AFF1: variants seen among roughly 807,000 people sequenced by gnomAD.
AFF1 encodes the protein ALF transcription elongation factor 1, also known as AF4/FMR2 family member 1.
Under a neutral mutation model 121.7 loss-of-function variants are expected in AFF1, and 48 were observed. The ratio of observed to expected loss-of-function variants is 0.39; its 90% CI spans 0.31 to 0.50. AFF1 has a LOEUF of 0.50. Among genes scored for constraint, AFF1 ranks in the 20% least tolerant of loss-of-function variants. AFF1 has a pLI of 0.76. For missense variants in AFF1, 1,523 were observed against 1,511.7 expected (o/e 1.01, Z -0.12); for synonymous variants, 613 against 563.0 (o/e 1.09, Z -1.26).
Position 87,111,793 on chromosome 4 carries a change from AC to A in AFF1, c.1534-2573del, listed in dbSNP as rs1726568197. On this transcript the variant is annotated intron_variant, in intron 11 of 20. Transcript: ENST00000395146. ...CTACCTGTTCCCCTTGTCTGGCACA[AC>A]TACTCAATTTTACCCTCAAATTGGG... is the stretch of plus-strand genomic sequence containing the variant. Among the ~76,000 whole-genome samples, 6 of 152,338 alleles carry A rather than the reference AC, an allele frequency of 3.9e-5. No individual in the cohort carries two copies. The South Asian group carries it at 1.2e-3, about 32-fold the overall frequency.
At chr4:87,022,206 CAAAAAAA>C (rs11296179) in intron 2 of AFF1, among the ~76,000 whole-genome samples, 2 of 76,064 alleles carry the variant, frequency 2.6e-5, no homozygotes, top group African/African-American at 1.1e-4. Context: ...GACTCCATCT[CAAAAAAA>C]AAAAAAAAAA....
chr4:87,108,806 A>G (rs954185942), intron 11 of AFF1, among the ~76,000 whole-genome samples: 1 of 152,244 alleles, frequency 6.6e-6, no homozygotes, highest in Non-Finnish European at 1.5e-5. Context: ...ACTAAAAGCC[A>G]TGCATTAAAT....
chr4:87,130,016 C>T (rs1728668223), intron 16 of AFF1, among the ~76,000 whole-genome samples: 1 of 151,804 alleles, frequency 6.6e-6, no homozygotes, highest in Non-Finnish European at 1.5e-5. Context: ...GCTCTGCCAC[C>T]CAGGCTGGAG....
chr4:87,089,964 C>T lies in AFF1; in HGVS notation c.1105-20C>T. ...CTATTTATAATTTACTTTTTCTTCC[C>T]TTTCCAAATATCTTTCCAGGAAATG... is the stretch of plus-strand genomic sequence containing the variant. On this transcript the variant is annotated intron_variant, in intron 5 of 20. Transcript: ENST00000395146. 6.3e-7 allele frequency: 1 copy of T among 1,596,980 alleles called. No individual in the cohort carries two copies. Among genetic ancestry groups the T allele is most frequent in the Non-Finnish European group, 8.6e-7 (1 of 1,165,666 alleles).
chr4:86,970,444 T>G (rs1300057569), intron 2 of AFF1, among the ~76,000 whole-genome samples: 1 of 152,228 alleles, frequency 6.6e-6, no homozygotes, highest in Non-Finnish European at 1.5e-5. Context: ...TGTTGCTCCT[T>G]TACTTAAGGG....
At chr4:87,011,812 A>T (rs1726793099) in intron 2 of AFF1, among the ~76,000 whole-genome samples, 1 of 152,218 alleles carries the variant, frequency 6.6e-6, no homozygotes, top group African/African-American at 2.4e-5. Context: ...TGCTTCCATG[A>T]TAAAGACTGA....
chr4:87,008,059 ACT>A (rs67195504), intron 2 of AFF1, among the ~76,000 whole-genome samples: 20,460 of 152,106 alleles, frequency 0.13, 1,845 homozygotes, highest in Middle Eastern at 0.23. Flanking sequence ...ATGGTTTGTT[ACT>A]GTTTTTGTAA....
intron 2 of AFF1, among the ~76,000 whole-genome samples, chr4:87,008,126 C>T (rs999617776): frequency 1.3e-4 from 20 of 152,184 alleles, no homozygotes; most frequent in African/African-American, 4.8e-4. Context: ...GAGATCCAAA[C>T]TGTTCTGTGC....
At chr4:87,090,141 GATTGA>G in intron 6 of AFF1, 71 bp downstream of exon 6, 1 of 1,224,200 alleles carries the variant, frequency 8.2e-7, no homozygotes, top group Non-Finnish European at 1.2e-6. Context: ...CTGTGAGGCA[GATTGA>G]TAAAGTATTA....
rs114638081 is a variant in AFF1 at position 87,108,063 on chromosome 4, G to A, written c.1377-96G>A. ...GTTTAGCAGTGTATCTAATACCAAGGCCCGCCCTTTTGAGTAGCAGGAAAA... is the reference window on the plus strand; with the variant it reads ...GTTTAGCAGTGTATCTAATACCAAGACCCGCCCTTTTGAGTAGCAGGAAAA... On this transcript the variant is annotated intron_variant, in intron 10 of 20. Coordinates refer to ENST00000395146, the MANE Select transcript of AFF1 (RefSeq NM_001166693.3). 733 of 1,390,268 alleles carry A rather than the reference G, an allele frequency of 5.3e-4. 4 individuals carry two copies. In the African/African-American group the frequency reaches 9.5e-3, roughly 18 times the overall value. The allele number at this position is 1,390,268 out of a possible 1,614,324, so 86.1% of individuals were successfully genotyped here.
intron 2 of AFF1, 72 bp from the exon 3 acceptor site, chr4:87,046,094 G>A: frequency 1.3e-6 from 2 of 1,576,374 alleles, no homozygotes; most frequent in Non-Finnish European, 1.7e-6. Flanking sequence ...CTTCTCACAT[G>A]TAAGTATGCC....
chr4:86,990,146 A>G (rs1365573659), intron 2 of AFF1, among the ~76,000 whole-genome samples: 1 of 144,058 alleles, frequency 6.9e-6, no homozygotes, highest in Non-Finnish European at 1.5e-5. Flanking sequence ...CGTTCTGCCC[A>G]TGTATTCCAG....
chr4:86,983,619 G>T (rs1723956644), intron 2 of AFF1, among the ~76,000 whole-genome samples: 1 of 152,012 alleles, frequency 6.6e-6, no homozygotes, highest in Non-Finnish European at 1.5e-5. Flanking sequence ...CAGCTACTGA[G>T]AATTGCATGA....
intron 2 of AFF1, among the ~76,000 whole-genome samples, chr4:87,033,434 C>CT (rs944747432): frequency 2.0e-5 from 3 of 152,196 alleles, no homozygotes; most frequent in Non-Finnish European, 4.4e-5. Context: ...AGTTCAGTGA[C>CT]TGGGAGGGAC....
intron 7 of AFF1, among the ~76,000 whole-genome samples, chr4:87,093,498 A>C (rs971624090): frequency 1.1e-4 from 16 of 152,134 alleles, no homozygotes; most frequent in African/African-American, 3.9e-4. Context: ...TAGGTTTTAG[A>C]GTCTCTGGAG....
intron 4 of AFF1, chr4:87,049,554 A>G: frequency 2.4e-6 from 1 of 417,922 alleles, no homozygotes; most frequent in Non-Finnish European, 4.8e-6. Flanking sequence ...AATCCTCCAT[A>G]CATTTGGTCA....
chr4:86,980,703 T>A (rs925812129), intron 2 of AFF1, among the ~76,000 whole-genome samples: 5 of 152,124 alleles, frequency 3.3e-5, no homozygotes, highest in African/African-American at 1.2e-4. Context: ...ATTAAAAGAA[T>A]AACGAATAGA....
At chr4:87,088,570 G>T (rs1422743034) in intron 5 of AFF1, among the ~76,000 whole-genome samples, 4 of 151,934 alleles carry the variant, frequency 2.6e-5, no homozygotes, top group African/African-American at 9.7e-5. Flanking sequence ...ATAGCATGCT[G>T]TGGGGTCGCA....
intron 2 of AFF1, among the ~76,000 whole-genome samples, chr4:87,010,648 C>G (rs913818970): frequency 3.3e-5 from 5 of 152,134 alleles, no homozygotes; most frequent in Admixed American, 2.0e-4. Context: ...GTGCTTTATA[C>G]TGAGGAGTGG....
Sources: gnomAD v4.1 joint callset for allele counts (sites outside exome capture counted in the v4.1 genomes callset) on GRCh38, gnomAD v4.1.1 for gene constraint, MANE v1.5 for transcripts, NCBI Gene and HGNC (gene_info 2026-07-23, HGNC 2026-07-21) for gene names.